Variants in EYS observed in about 807,000 individuals in gnomAD.
The protein encoded by EYS is protein eyes shut homolog.
A neutral mutation model predicts 282.1 loss-of-function variants in EYS; 250 were observed. The observed-to-expected ratio is 0.89, with a 90% CI of 0.80 to 0.98. EYS has a LOEUF of 0.98. EYS is among the 50% of genes least tolerant of loss of function. EYS has a pLI of 0.00. For synonymous variants in EYS, 1,355 were observed against 1,282.9 expected (o/e 1.06, Z -1.20); for missense variants, 4,016 against 3,709.0 (o/e 1.08, Z -2.15).
chr6:64,655,394 G>A (rs568341394), intron 22 of EYS, among the ~76,000 whole-genome samples: 7 of 151,738 alleles, frequency 4.6e-5, no homozygotes, highest in African/African-American at 1.4e-4. Flanking sequence ...ATCAATCTTT[G>A]ATGCCTACAA....
chr6:63,750,265 T>A (rs1769311112), intron 41 of EYS, among the ~76,000 whole-genome samples: 2 of 152,222 alleles, frequency 1.3e-5, no homozygotes, highest in African/African-American at 4.8e-5. Flanking sequence ...TTAGGGTTGA[T>A]TTCTGGAGTT....
At chr6:65,322,029 G>A (rs2150305888) in intron 11 of EYS, among the ~76,000 whole-genome samples, 1 of 152,276 alleles carries the variant, frequency 6.6e-6, no homozygotes, top group South Asian at 2.1e-4. Flanking sequence ...TATGATAGCT[G>A]AATGAGATAT....
At chr6:64,964,847 C>T (rs555154175) in intron 14 of EYS, among the ~76,000 whole-genome samples, 2 of 152,038 alleles carry the variant, frequency 1.3e-5, no homozygotes, top group East Asian at 3.9e-4. Context: ...GCCCGGTCAA[C>T]ATGGTGAAAT....
intron 40 of EYS, among the ~76,000 whole-genome samples, chr6:63,767,367 A>T (rs1284876222): frequency 6.6e-6 from 1 of 152,144 alleles, no homozygotes; most frequent in Non-Finnish European, 1.5e-5. Flanking sequence ...AGAACTCATA[A>T]ATAACTTCAG....
intron 22 of EYS, among the ~76,000 whole-genome samples, chr6:64,671,528 G>T (rs561460682): frequency 6.6e-6 from 1 of 152,230 alleles, no homozygotes; most frequent in African/African-American, 2.4e-5. Context: ...GACCAAAAGA[G>T]CTAAGAACCA....
intron 19 of EYS, among the ~76,000 whole-genome samples, chr6:64,868,091 T>C (rs1307535409): frequency 1.3e-5 from 2 of 151,444 alleles, no homozygotes; most frequent in Non-Finnish European, 3.0e-5. Context: ...GAAAACATTG[T>C]CTTTATTAAT....
At chr6:63,760,548 A>G (rs1282505778) in intron 41 of EYS, among the ~76,000 whole-genome samples, 1 of 151,918 alleles carries the variant, frequency 6.6e-6, no homozygotes, top group Non-Finnish European at 1.5e-5. Flanking sequence ...GATGTCACCC[A>G]TTTTCTGGCA....
intron 35 of EYS, among the ~76,000 whole-genome samples, chr6:63,937,375 T>C (rs1395980539): frequency 4.3e-5 from 3 of 70,318 alleles, no homozygotes; most frequent in Non-Finnish European, 8.3e-5. Flanking sequence ...TTTTTTTTTT[T>C]TTTTTTTTTT....
chr6:65,627,388 G>A lies in EYS; in HGVS notation c.-333+12390C>T, dbSNP rs191062854. Among the ~76,000 whole-genome samples, 30 of 152,260 alleles carry A rather than the reference G, an allele frequency of 2.0e-4. No homozygotes were observed. The East Asian group carries it at 5.8e-3, about 29-fold the overall frequency. ...CTGGCAGTCCTCACATCCCTCGCTC[G>A]CTCTCGGTGCCTCCTCTGCCTGGGC... is the stretch of plus-strand genomic sequence containing the variant. On this transcript the variant is annotated intron_variant, in intron 2 of 42. Coordinates refer to ENST00000503581, the MANE Select transcript of EYS (RefSeq NM_001142800.2).
chr6:64,591,065 C>G lies in EYS; in HGVS notation c.4802G>C (p.Gly1601Ala). ...AILASWYALM[G>A]AQTITSGHSF... is the part of the protein sequence containing the mutation. The stretch of plus-strand genomic sequence containing the variant: ...ATGCCCAGAAGTGATAGTTTGAGCT[C>G]CCATTAGTGCATACCAGCTGGCTAA... The change falls in exon 26 of 43, where the codon GGA becomes GCA. Residue 1601 changes from glycine to alanine, a missense_variant. Gly to Ala is a moderately conservative substitution (Grantham distance 60). Transcript: ENST00000503581. The G allele has an allele frequency of 1.3e-6, 2 of 1,551,258 alleles. No individual in the cohort carries two copies. Among genetic ancestry groups the G allele is most frequent in the Non-Finnish European group, 1.7e-6 (2 of 1,146,782 alleles).
chr6:64,630,143 T>A (rs1767732600), intron 22 of EYS, among the ~76,000 whole-genome samples: 1 of 152,222 alleles, frequency 6.6e-6, no homozygotes, highest in Non-Finnish European at 1.5e-5. Flanking sequence ...GTTGCCAGGC[T>A]GGAGTGCAGT....
intron 1 of EYS, among the ~76,000 whole-genome samples, chr6:65,660,441 T>C (rs1438922604): frequency 6.6e-6 from 1 of 151,600 alleles, no homozygotes; most frequent in Non-Finnish European, 1.5e-5. Context: ...AGGTAAGGAG[T>C]GGAAAAGCGC....
chr6:64,347,518 T>C (rs943347833), intron 29 of EYS, among the ~76,000 whole-genome samples: 6 of 151,368 alleles, frequency 4.0e-5, no homozygotes, highest in African/African-American at 1.5e-4. Flanking sequence ...TTTATATTTG[T>C]TGAAGCTGGC....
At chr6:65,169,442 A>G (rs1250378629) in intron 12 of EYS, among the ~76,000 whole-genome samples, 1 of 151,488 alleles carries the variant, frequency 6.6e-6, no homozygotes, top group African/African-American at 2.4e-5. Context: ...AAATATATGT[A>G]TTACGTTCTA....
intron 33 of EYS, among the ~76,000 whole-genome samples, chr6:64,053,791 C>T (rs149739960): frequency 6.6e-6 from 1 of 152,096 alleles, no homozygotes; most frequent in African/African-American, 2.4e-5. Context: ...CTTGAAGGCC[C>T]TCTACTAATG....
Position 65,009,233 on chromosome 6 carries a change from G to A in EYS, c.2138-11530C>T, listed in dbSNP as rs186734778. On this transcript the variant is annotated intron_variant, in intron 13 of 42. Coordinates refer to ENST00000503581, the MANE Select transcript of EYS (RefSeq NM_001142800.2). ...CCAAAGGCAGTACCCCCTTAGACCT[G>A]AGGCCCAACAAGAACTCCAAAAAAT... Among the ~76,000 whole-genome samples, 517 of 152,172 alleles carry A rather than the reference G, an allele frequency of 3.4e-3. 1 individual carries two copies. Among genetic ancestry groups the A allele is most frequent in the Non-Finnish European group, 4.2e-3 (283 of 68,012 alleles).
At chr6:64,661,113 C>T (rs551344730) in intron 22 of EYS, among the ~76,000 whole-genome samples, 5 of 152,142 alleles carry the variant, frequency 3.3e-5, no homozygotes, top group South Asian at 2.1e-4. Flanking sequence ...CTTTGACAAA[C>T]CTGACAAAAA....
rs555720693 is a variant in EYS, at chr6:63,967,259, G to T, written c.7055+17124C>A. 5.3e-5 allele frequency among the ~76,000 whole-genome samples: 8 copies of T among 152,268 alleles called. No homozygotes were observed. The East Asian group carries it at 1.5e-3, about 29-fold the overall frequency. The stretch of plus-strand genomic sequence containing the variant: ...AGAGACTTCATCATGTTATTCAGGA[G>T]TGTCCCCAATTTAAAACTTATTAAT... On this transcript the variant is annotated intron_variant, in intron 35 of 42. Transcript: ENST00000503581.
chr6:63,904,961 A>G (rs1773739712), intron 35 of EYS, among the ~76,000 whole-genome samples: 1 of 152,226 alleles, frequency 6.6e-6, no homozygotes, highest in Admixed American at 6.5e-5. Context: ...CATTTAGTAC[A>G]TTCACATTGT....
Sources: allele counts gnomAD v4.1 joint callset (sites outside exome capture counted in the v4.1 genomes callset), GRCh38; gene constraint gnomAD v4.1.1; transcripts MANE v1.5; gene names NCBI Gene and HGNC (gene_info 2026-07-23, HGNC 2026-07-21).